BAZ1A: variants seen among roughly 807,000 people sequenced by gnomAD.
The protein encoded by BAZ1A is bromodomain adjacent to zinc finger domain 1A.
A neutral mutation model predicts 185.2 loss-of-function variants in BAZ1A; 50 were observed. That is an observed-to-expected ratio of 0.27 (90% CI 0.22 to 0.34). The LOEUF (loss-of-function observed/expected upper bound fraction) is 0.34, where lower values mean the gene tolerates loss of function less well. Ranked by LOEUF, BAZ1A falls within the 10% of genes least tolerant of loss-of-function variation. The pLI is 1.00. For missense variants in BAZ1A, 1,356 were observed against 1,839.9 expected, an observed-to-expected ratio of 0.74 and a Z score of 4.81; for synonymous variants, 571 against 615.6, an observed-to-expected ratio of 0.93 and a Z score of 1.07.
rs114099329 is a variant in BAZ1A, at chr14:34,817,066, A to G, written c.537-6030T>C. Among the ~76,000 whole-genome samples, 634 of 152,336 alleles carry G rather than the reference A, an allele frequency of 4.2e-3. 9 individuals carry two copies. The highest frequency in any genetic ancestry group is 0.014 in the African/African-American group (595 of 41,574). ...ACAATACTTATGTAAAATTTCAGAG[A>G]GAAAGACTAGGAGATAAAACCCTAA... On this transcript the variant is annotated intron_variant, in intron 4 of 26. Transcript: ENST00000360310.
intron 3 of BAZ1A, among the ~76,000 whole-genome samples, chr14:34,852,075 T>C (rs1363181422): frequency 1.3e-5 from 2 of 151,176 alleles, no homozygotes; most frequent in East Asian, 2.0e-4. Flanking sequence ...TGCAGTGAGC[T>C]GAGATCGTGC....
chr14:34,770,506 C>T (rs1879140752), intron 21 of BAZ1A, among the ~76,000 whole-genome samples: 2 of 152,044 alleles, frequency 1.3e-5, no homozygotes, highest in Admixed American at 1.3e-4. Flanking sequence ...CAATAGGAGA[C>T]CAAAAAGATA....
At chr14:34,839,539 C>CAAA (rs35964410) in intron 3 of BAZ1A, among the ~76,000 whole-genome samples, 7 of 80,972 alleles carry the variant, frequency 8.6e-5, no homozygotes, top group South Asian at 4.5e-4. Context: ...AACTATCTTT[C>CAAA]AAAAAAAAAA....
chr14:34,783,109 C>T lies in BAZ1A; in HGVS notation c.2111+10G>A. On this transcript the variant is annotated intron_variant, in intron 16 of 26. Transcript: ENST00000360310. ...GGTAAAGCAGATGAACAGTGTGATT[C>T]AAACCATACCCAATAGATATATCTG... 1 of 1,564,118 alleles carries T rather than the reference C, an allele frequency of 6.4e-7. No homozygotes were observed. Among genetic ancestry groups the T allele is most frequent in the Non-Finnish European group, 8.8e-7 (1 of 1,137,214 alleles).
chr14:34,761,698 T>C, intron 24 of BAZ1A, 59 bp downstream of exon 24: 1 of 1,414,554 alleles, frequency 7.1e-7, no homozygotes, highest in Non-Finnish European at 9.7e-7. Context: ...ATCTCAACAT[T>C]CGATATTTCC....
intron 25 of BAZ1A, 113 bp from the exon 26 acceptor site, chr14:34,755,027 G>A (rs893244301): frequency 1.6e-5 from 10 of 634,298 alleles, no homozygotes; most frequent in Non-Finnish European, 2.4e-5. Context: ...TTGCAATATG[G>A]TCTTGCTCAT....
At chr14:34,868,285 C>G (rs1421116347) in intron 2 of BAZ1A, among the ~76,000 whole-genome samples, 1 of 152,076 alleles carries the variant, frequency 6.6e-6, no homozygotes, top group Non-Finnish European at 1.5e-5. Context: ...ATTATCTGGC[C>G]CTTTGCGGAA....
At position 34,771,590 on chromosome 14, in the gene BAZ1A, G is replaced by A. The variant is rs1879221372; in HGVS notation, c.3222C>T (p.Ser1074=). The A allele has an allele frequency of 6.2e-7, 1 of 1,613,680 alleles. No homozygotes were observed. Among genetic ancestry groups the A allele is most frequent in the African/African-American group, 1.3e-5 (1 of 74,904 alleles). Residue 1074 remains serine (S), a synonymous_variant, in exon 21 of 27, where the codon AGC becomes AGT. Coordinates refer to ENST00000360310, the MANE Select transcript of BAZ1A (RefSeq NM_013448.3). The stretch of plus-strand genomic sequence containing the variant: ...CCATTGCCAGATAATGAACCACACT[G>A]CTCACTGATTGTGGTGTACTTGCAT... ...STNASTPQSV[S]SVVHYLAMAL...
At chr14:34,776,662 T>C (rs1879636180) in intron 17 of BAZ1A, 147 bp from the exon 18 acceptor site, 1 of 648,868 alleles carries the variant, frequency 1.5e-6, no homozygotes, top group Non-Finnish European at 2.6e-6. Context: ...GTTGAAGCCC[T>C]AACCTCCAAT....
intron 7 of BAZ1A, among the ~76,000 whole-genome samples, chr14:34,802,116 T>C (rs1881603056): frequency 6.6e-6 from 1 of 152,180 alleles, no homozygotes; most frequent in East Asian, 1.9e-4. Context: ...ATATAAAAGA[T>C]GCAGAAAAAA....
At chr14:34,846,890 A>T (rs1323055804) in intron 3 of BAZ1A, among the ~76,000 whole-genome samples, 3 of 151,786 alleles carry the variant, frequency 2.0e-5, no homozygotes, top group African/African-American at 7.3e-5. Context: ...CTCAGAACTT[A>T]AAAAAAAATT....
chr14:34,870,552 TG>T (rs1156929826), intron 2 of BAZ1A, among the ~76,000 whole-genome samples: 1 of 152,214 alleles, frequency 6.6e-6, no homozygotes, highest in African/African-American at 2.4e-5. Flanking sequence ...CTTAATCACT[TG>T]GGGTATAGTA....
rs550076713 is a variant in BAZ1A at position 34,807,563 on chromosome 14, A to G, written c.639-25T>C. The G allele has an allele frequency of 1.9e-6, 3 of 1,567,324 alleles. No homozygotes were observed. The South Asian group carries it at 3.4e-5, about 18-fold the overall frequency. On this transcript the variant is annotated intron_variant, in intron 5 of 26. Coordinates refer to ENST00000360310, the MANE Select transcript of BAZ1A (RefSeq NM_013448.3). The stretch of plus-strand genomic sequence containing the variant: ...GCTACAGGAGGCAAGGAAGTCAAAG[A>G]GGGGTAGTGTTAGCATCAAAGAGTT...
chr14:34,754,193 A>G (rs1234648988), intron 26 of BAZ1A, among the ~76,000 whole-genome samples: 1 of 150,496 alleles, frequency 6.6e-6, no homozygotes, highest in Non-Finnish European at 1.5e-5. Flanking sequence ...CAGAGGTTGC[A>G]GTGAGCTGAG....
At chr14:34,834,900 A>T (rs1177870952) in intron 3 of BAZ1A, among the ~76,000 whole-genome samples, 1 of 152,242 alleles carries the variant, frequency 6.6e-6, no homozygotes, top group Non-Finnish European at 1.5e-5. Flanking sequence ...GTTATGCTCC[A>T]TTATTTGAGA....
intron 21 of BAZ1A, 48 bp from the exon 22 acceptor site, chr14:34,765,316 A>T: frequency 6.3e-7 from 1 of 1,591,802 alleles, no homozygotes; most frequent in Non-Finnish European, 8.5e-7. Context: ...CAAACCTAGT[A>T]ATCTTCCTAG....
chr14:34,783,200 T>A lies in BAZ1A; in HGVS notation c.2030A>T (p.Glu677Val), dbSNP rs369011492. 234 of 1,600,080 alleles carry A rather than the reference T, an allele frequency of 1.5e-4. No homozygotes were observed. The highest frequency in any genetic ancestry group is 5.1e-5 in the Admixed American group (3 of 58,436). The change falls in exon 16 of 27, where the codon GAG (glutamate) becomes GTG (valine). Residue 677 changes from glutamate (E) to valine (V), a missense_variant. Around this residue, in one of 7 missense-constraint regions of BAZ1A, gnomAD observed 434 missense variants for 561.7 expected, o/e 0.77. Transcript: ENST00000360310. Reference sequence around the variant, plus strand: ...TTTCTCTTTCATTTTTTGTTCTTGCTCCTTAAGTTTTTCTTCCTTCCTTTT... The same window carrying A: ...TTTCTCTTTCATTTTTTGTTCTTGCACCTTAAGTTTTTCTTCCTTCCTTTT... ...IRKRKEEKLK[E>V]QEQKMKEKQE...
At chr14:34,823,402 G>A (rs138603372) in intron 4 of BAZ1A, among the ~76,000 whole-genome samples, 1 of 151,964 alleles carries the variant, frequency 6.6e-6, no homozygotes, top group Non-Finnish European at 1.5e-5. Context: ...GTTCACACCT[G>A]TAATCCCAGC....
chr14:34,756,001 CT>C (rs146543442), intron 25 of BAZ1A, among the ~76,000 whole-genome samples: 33,058 of 142,830 alleles, frequency 0.23, 4,031 homozygotes, highest in Non-Finnish European at 0.28. Flanking sequence ...TTTTCTTTTT[CT>C]TTTTTTTTTT....
Sources: allele counts gnomAD v4.1 joint callset (sites outside exome capture counted in the v4.1 genomes callset), GRCh38; gene constraint gnomAD v4.1.1; regional missense constraint gnomAD v4.1.1; transcripts MANE v1.5; gene names NCBI Gene and HGNC (gene_info 2026-07-23, HGNC 2026-07-21).